AP3B1: variants seen among roughly 807,000 people sequenced by gnomAD.
AP3B1 encodes AP-3 complex subunit beta-1.
A neutral mutation model predicts 132.5 loss-of-function variants in AP3B1; 61 were observed. That is an observed-to-expected ratio of 0.46 (90% CI 0.37 to 0.57). The LOEUF (loss-of-function observed/expected upper bound fraction) is 0.57. AP3B1 is among the 20% of genes least tolerant of loss of function. The pLI, the probability that AP3B1 is intolerant of heterozygous loss-of-function variation, is 0.00. For synonymous variants in AP3B1, 388 were observed against 438.3 expected, an observed-to-expected ratio of 0.89 and a Z score of 1.43; for missense variants, 1,120 against 1,289.4, an observed-to-expected ratio of 0.87 and a Z score of 2.01.
intron 22 of AP3B1, among the ~76,000 whole-genome samples, chr5:78,085,910 T>C (rs1334015271): frequency 1.3e-5 from 2 of 152,176 alleles, no homozygotes; most frequent in African/African-American, 4.8e-5. Flanking sequence ...TAGATGTTCT[T>C]TGAGTATATA....
At chr5:78,014,969 G>A (rs1398544624) in intron 26 of AP3B1, among the ~76,000 whole-genome samples, 2 of 152,118 alleles carry the variant, frequency 1.3e-5, no homozygotes, top group Admixed American at 6.6e-5. Flanking sequence ...TTATTTACTG[G>A]AAGCAGTCTC....
intron 17 of AP3B1, among the ~76,000 whole-genome samples, chr5:78,119,439 T>TA (rs1407297613): frequency 4.0e-5 from 6 of 151,436 alleles, no homozygotes; most frequent in East Asian, 1.9e-4. Context: ...TTAAAAACTT[T>TA]AAAAAAAAAT....
At chr5:78,000,844 AC>A (rs965178705), downstream of AP3B1, 2 of 152,200 alleles carry the variant, frequency 1.3e-5, no homozygotes, top group African/African-American at 2.4e-5. Context: ...GAATCACCAC[AC>A]CACAAAAGAA....
chr5:78,207,711 A>G (rs77730107), intron 7 of AP3B1, among the ~76,000 whole-genome samples: 2 of 146,116 alleles, frequency 1.4e-5, no homozygotes, highest in Non-Finnish European at 3.0e-5. Context: ...TAGCATGCAG[A>G]AAAAAAAAAT....
intron 17 of AP3B1, among the ~76,000 whole-genome samples, chr5:78,121,166 C>T (rs1752172080): frequency 6.6e-6 from 1 of 151,924 alleles, no homozygotes; most frequent in Admixed American, 6.6e-5. Flanking sequence ...ACACCACATA[C>T]CAGAATCTCT....
intron 2 of AP3B1, among the ~76,000 whole-genome samples, chr5:78,253,911 TC>T (rs1314415220): frequency 7.0e-6 from 1 of 143,422 alleles, no homozygotes; most frequent in Non-Finnish European, 1.5e-5. Flanking sequence ...AGCTTGCAGA[TC>T]ATGCCACTGC....
intron 15 of AP3B1, among the ~76,000 whole-genome samples, chr5:78,133,275 G>A (rs1369778816): frequency 6.6e-6 from 1 of 152,202 alleles, no homozygotes; most frequent in Non-Finnish European, 1.5e-5. Context: ...AATCCTGCCT[G>A]CTGTTCTAAA....
intron 22 of AP3B1, among the ~76,000 whole-genome samples, chr5:78,066,499 C>A (rs918492156): frequency 6.6e-6 from 1 of 152,206 alleles, no homozygotes; most frequent in African/African-American, 2.4e-5. Context: ...AAAAACACAA[C>A]ATGAGAACTT....
intron 6 of AP3B1, among the ~76,000 whole-genome samples, chr5:78,220,821 G>A (rs577043699): frequency 2.4e-4 from 36 of 152,256 alleles, no homozygotes; most frequent in South Asian, 6.2e-4. Flanking sequence ...AGACCAAAGC[G>A]AGATCACTTG....
intron 1 of AP3B1, among the ~76,000 whole-genome samples, chr5:78,284,679 T>C (rs145064966): frequency 9.8e-5 from 15 of 152,332 alleles, no homozygotes; most frequent in Admixed American, 2.6e-4. Context: ...CTAAAAGATA[T>C]ATACTACATT....
chr5:78,145,774 G>A (rs928613504), intron 14 of AP3B1, among the ~76,000 whole-genome samples: 4 of 152,246 alleles, frequency 2.6e-5, no homozygotes, highest in East Asian at 3.9e-4. Flanking sequence ...TCCCACACCC[G>A]TGTATAGTGG....
At chr5:78,092,066 C>T (rs1182372102) in intron 21 of AP3B1, among the ~76,000 whole-genome samples, 2 of 152,200 alleles carry the variant, frequency 1.3e-5, no homozygotes, top group African/African-American at 4.8e-5. Context: ...CCTTCCCATG[C>T]AACACGTAAC....
intron 21 of AP3B1, among the ~76,000 whole-genome samples, chr5:78,096,695 C>T (rs1467770797): frequency 6.6e-6 from 1 of 151,846 alleles, no homozygotes; most frequent in Non-Finnish European, 1.5e-5. Context: ...CGTCTCTGCC[C>T]AGCCGCCCCA....
At chr5:78,091,597 G>C (rs528906424) in intron 21 of AP3B1, among the ~76,000 whole-genome samples, 20 of 152,324 alleles carry the variant, frequency 1.3e-4, no homozygotes, top group Non-Finnish European at 1.8e-4. Flanking sequence ...AGGGAATGAA[G>C]TCCAATTTTT....
chr5:78,043,481 T>C (rs907971378), intron 22 of AP3B1: 1 of 237,928 alleles, frequency 4.2e-6, no homozygotes. Context: ...CATCACTGAT[T>C]TTCTCCTCTC....
At position 78,002,779 on chromosome 5, in the gene AP3B1, G is replaced by A. The variant is rs1332981670; in HGVS notation, c.*123C>T. On this transcript the variant is annotated 3_prime_UTR_variant, in exon 27 of 27. Transcript: ENST00000255194. ...GCATTCTAAAGCAGGAGACAAGAAT[G>A]TCAAGAGTGTATTCTACCCCCACTG... 10 of 1,080,480 alleles carry A rather than the reference G, an allele frequency of 9.3e-6. No individual in the cohort carries two copies. Among genetic ancestry groups the A allele is most frequent in the African/African-American group, 1.5e-5 (1 of 64,620 alleles). The allele number at this position is 1,080,480 out of a possible 1,614,324, so 66.9% of individuals were successfully genotyped here. A position where few individuals can be genotyped will look rare whatever the true frequency, so the allele number is the denominator to read the frequency against.
chr5:78,273,059 A>AC (rs1342589241), intron 1 of AP3B1, among the ~76,000 whole-genome samples: 2 of 152,138 alleles, frequency 1.3e-5, no homozygotes, highest in Non-Finnish European at 2.9e-5. Context: ...ACACACACAC[A>AC]AGTACTCTTA....
At chr5:78,271,518 G>A (rs967413796) in intron 1 of AP3B1, among the ~76,000 whole-genome samples, 5 of 152,026 alleles carry the variant, frequency 3.3e-5, no homozygotes, top group African/African-American at 1.2e-4. Context: ...AGATTAAAAA[G>A]AAAAAAGCCT....
rs530790764 is a variant in AP3B1 at position 78,245,594 on chromosome 5, A to C, written c.205-4658T>G. ...CCCAACATGAAGAAAGGAAGAAACC[A>C]GCAAAGAAGCTCTTAGACTCCTTGA... On this transcript the variant is annotated intron_variant, in intron 2 of 26. Transcript: ENST00000255194. 1.4e-4 allele frequency among the ~76,000 whole-genome samples: 22 copies of C among 152,342 alleles called. No individual in the cohort carries two copies. The South Asian group carries it at 4.3e-3, about 30-fold the overall frequency.
Sources: allele counts gnomAD v4.1 joint callset (sites outside exome capture counted in the v4.1 genomes callset), GRCh38; gene constraint gnomAD v4.1.1; transcripts MANE v1.5; gene names NCBI Gene and HGNC (gene_info 2026-07-23, HGNC 2026-07-21).